PTPRN2: variants seen among roughly 807,000 people sequenced by gnomAD.
The protein encoded by PTPRN2 is protein tyrosine phosphatase receptor type N2, also known as receptor-type tyrosine-protein phosphatase N2.
Under a neutral mutation model 118.8 loss-of-function variants are expected in PTPRN2, and 74 were observed. That is an observed-to-expected ratio of 0.62 (90% CI 0.52 to 0.76). PTPRN2 has a LOEUF of 0.76. PTPRN2 is among the 30% of genes least tolerant of loss of function. The pLI, the probability that PTPRN2 is intolerant of heterozygous loss-of-function variation, is 0.00. For synonymous variants in PTPRN2, 641 were observed against 608.0 expected, an observed-to-expected ratio of 1.05 and a Z score of -0.80; for missense variants, 1,481 against 1,394.4, an observed-to-expected ratio of 1.06 and a Z score of -0.99.
intron 9 of PTPRN2, among the ~76,000 whole-genome samples, chr7:158,130,435 T>C (rs1818086893): frequency 7.6e-6 from 1 of 132,070 alleles, no homozygotes; most frequent in African/African-American, 3.0e-5. Context: ...CACACACACG[T>C]ACATACAGAT....
At chr7:157,704,744 T>C (rs766943942) in intron 12 of PTPRN2, among the ~76,000 whole-genome samples, 1 of 152,256 alleles carries the variant, frequency 6.6e-6, no homozygotes, top group Non-Finnish European at 1.5e-5. Flanking sequence ...CTGTATTCAC[T>C]GCAGTTTACG....
intron 3 of PTPRN2, among the ~76,000 whole-genome samples, chr7:158,271,542 G>T (rs1238919201): frequency 6.6e-6 from 1 of 152,152 alleles, no homozygotes; most frequent in East Asian, 1.9e-4. Flanking sequence ...AAGCCCCATG[G>T]GGCAATCCAG....
chr7:158,296,845 T>C (rs924821861), intron 3 of PTPRN2, among the ~76,000 whole-genome samples: 2 of 152,184 alleles, frequency 1.3e-5, no homozygotes, highest in African/African-American at 4.8e-5. Flanking sequence ...GCCAAGCATG[T>C]AGGCTGTGGT....
intron 12 of PTPRN2, among the ~76,000 whole-genome samples, chr7:157,820,593 C>A (rs113228554): frequency 0.023 from 3,447 of 151,534 alleles, 149 homozygotes; most frequent in African/African-American, 0.079. Flanking sequence ...GCAGACTCCC[C>A]CACACACGCA....
chr7:158,218,735 G>C (rs761171087), intron 3 of PTPRN2, among the ~76,000 whole-genome samples: 1 of 152,206 alleles, frequency 6.6e-6, no homozygotes, highest in Non-Finnish European at 1.5e-5. Context: ...AAGGGATGGA[G>C]AAAGATCTAT....
intron 14 of PTPRN2, among the ~76,000 whole-genome samples, chr7:157,645,337 C>T (rs886585190): frequency 6.6e-6 from 1 of 152,184 alleles, no homozygotes; most frequent in Non-Finnish European, 1.5e-5. Flanking sequence ...CACCTACCAG[C>T]GGCAAAGTTC....
intron 3 of PTPRN2, among the ~76,000 whole-genome samples, chr7:158,257,200 C>T (rs985833587): frequency 3.3e-5 from 5 of 152,134 alleles, no homozygotes; most frequent in African/African-American, 7.2e-5. Flanking sequence ...CCTGGACCAG[C>T]GTGTGGAGAG....
At chr7:157,604,489 C>G (rs1319876931) in intron 15 of PTPRN2, among the ~76,000 whole-genome samples, 2 of 152,236 alleles carry the variant, frequency 1.3e-5, no homozygotes, top group East Asian at 3.8e-4. Flanking sequence ...TCAGGGGTTC[C>G]TCTGCAGAAT....
At position 158,122,369 on chromosome 7, in the gene PTPRN2, G is replaced by A. The variant is rs116284899; in HGVS notation, c.1556+11308C>T. Among the ~76,000 whole-genome samples the A allele has an allele frequency of 8.1e-3, 1,237 of 152,280 alleles. 15 individuals carry two copies. Among genetic ancestry groups the A allele is most frequent in the African/African-American group, 0.021 (872 of 41,536 alleles). ...AAGGCCTCGGCAAGCACTCACTGGA[G>A]GGAGGCTCAGAGTAAGAAGTGACAG... On this transcript the variant is annotated intron_variant, in intron 9 of 22. Coordinates refer to ENST00000389418, the MANE Select transcript of PTPRN2 (RefSeq NM_002847.5).
At chr7:158,337,407 C>A (rs62481679) in intron 2 of PTPRN2, among the ~76,000 whole-genome samples, 1,150 of 17,232 alleles carry the variant, frequency 0.067, 40 homozygotes, top group Middle Eastern at 0.1. Context: ...TGCAGACGTC[C>A]CTCACACCCA....
intron 12 of PTPRN2, among the ~76,000 whole-genome samples, chr7:157,722,186 G>A (rs563815015): frequency 9.2e-5 from 14 of 152,366 alleles, no homozygotes; most frequent in Admixed American, 4.6e-4. Flanking sequence ...GAGGAGGCTC[G>A]TGGCACCCAC....
chr7:158,494,216 C>T (rs866857137), intron 1 of PTPRN2, among the ~76,000 whole-genome samples: 62 of 152,370 alleles, frequency 4.1e-4, no homozygotes, highest in Middle Eastern at 6.8e-3. Flanking sequence ...TCCTGTACCA[C>T]ATGCACCTGC....
intron 1 of PTPRN2, among the ~76,000 whole-genome samples, chr7:158,502,177 TCTGCCA>T (rs1277111671): frequency 6.6e-6 from 1 of 152,202 alleles, no homozygotes; most frequent in African/African-American, 2.4e-5. Flanking sequence ...CAAACCATGG[TCTGCCA>T]CTGCCATATG....
Position 157,976,188 on chromosome 7 carries a change from T to A in PTPRN2, c.1724-77451A>T, listed in dbSNP as rs560736477. ...CAGCTTAGGGCTGGTTCCCATCGCG[T>A]TATCAGCAAACGAATCTTCCCAGAA... is the stretch of plus-strand genomic sequence containing the variant. On this transcript the variant is annotated intron_variant, in intron 11 of 22. Transcript: ENST00000389418. Among the ~76,000 whole-genome samples the A allele has an allele frequency of 3.3e-5, 5 of 152,350 alleles. No individual in the cohort carries two copies. The South Asian group carries it at 1.0e-3, about 32-fold the overall frequency.
chr7:158,000,328 A>G (rs1157273551), intron 11 of PTPRN2, among the ~76,000 whole-genome samples: 1 of 151,948 alleles, frequency 6.6e-6, no homozygotes, highest in Non-Finnish European at 1.5e-5. Flanking sequence ...CTTCAAAAAC[A>G]ATTGCCAAGG....
intron 2 of PTPRN2, among the ~76,000 whole-genome samples, chr7:158,462,510 G>C (rs1156704865): frequency 6.6e-6 from 1 of 152,188 alleles, no homozygotes; most frequent in Non-Finnish European, 1.5e-5. Context: ...GGGGTGCCTG[G>C]TCCTGTCTCG....
Position 157,590,573 on chromosome 7 carries a change from C to A in PTPRN2, c.2496+4665G>T, listed in dbSNP as rs142264145. ...GCACCATGTGTGCAGTGAGTGGTGACCCTCCGTGGATTTTCGTGCACGTTC... is the reference window on the plus strand; with the variant it reads ...GCACCATGTGTGCAGTGAGTGGTGAACCTCCGTGGATTTTCGTGCACGTTC... On this transcript the variant is annotated intron_variant, in intron 17 of 22. Transcript: ENST00000389418. This position sits in a 1 kb window ranked among gnomAD's most constrained non-coding sequence, Gnocchi z 4.0. Among the ~76,000 whole-genome samples, 1 of 152,348 alleles carries A rather than the reference C, an allele frequency of 6.6e-6. No homozygotes were observed. Among genetic ancestry groups the A allele is most frequent in the African/African-American group, 2.4e-5 (1 of 41,582 alleles).
At chr7:158,576,730 G>A (rs1033922081) in intron 1 of PTPRN2, among the ~76,000 whole-genome samples, 1 of 152,102 alleles carries the variant, frequency 6.6e-6, no homozygotes, top group African/African-American at 2.4e-5. Context: ...AACACCATGG[G>A]GCCTGCACAA....
rs908062977 is a variant in PTPRN2 at position 157,987,949 on chromosome 7, C to T, written c.1724-89212G>A. On this transcript the variant is annotated intron_variant, in intron 11 of 22. Coordinates refer to ENST00000389418, the MANE Select transcript of PTPRN2 (RefSeq NM_002847.5). This position sits in a 1 kb window ranked among gnomAD's most constrained non-coding sequence, Gnocchi z 4.3. ...GAAGGGTCTCCGGACATCACTGATG[C>T]CCCCAGCTCTCCCCACACCTGCCAT... 6.6e-6 allele frequency among the ~76,000 whole-genome samples: 1 copy of T among 152,016 alleles called. No homozygotes were observed. The highest frequency in any genetic ancestry group is 1.5e-5 in the Non-Finnish European group (1 of 67,968).
Sources: allele counts gnomAD v4.1 joint callset (sites outside exome capture counted in the v4.1 genomes callset), GRCh38; gene constraint gnomAD v4.1.1; non-coding constraint Gnocchi (gnomAD v3.1); transcripts MANE v1.5; gene names NCBI Gene and HGNC (gene_info 2026-07-23, HGNC 2026-07-21).